FAF1: variants seen among roughly 807,000 people sequenced by gnomAD.
The protein encoded by FAF1 is FAS-associated factor 1.
In FAF1, 25 loss-of-function variants were observed where a neutral mutation model predicts 92.5. The observed-to-expected ratio is 0.27, with a 90% CI of 0.20 to 0.38. The LOEUF (loss-of-function observed/expected upper bound fraction) is 0.38, where lower values mean the gene tolerates loss of function less well. Among genes scored for constraint, FAF1 ranks in the 10% least tolerant of loss-of-function variants. The pLI, the probability that FAF1 is intolerant of heterozygous loss-of-function variation, is 1.00. For synonymous variants in FAF1, 234 were observed against 273.2 expected, an observed-to-expected ratio of 0.86 and a Z score of 1.42; for missense variants, 636 against 793.3, an observed-to-expected ratio of 0.80 and a Z score of 2.38.
chr1:50,461,970 A>G (rs1646436772), intron 18 of FAF1, among the ~76,000 whole-genome samples: 1 of 148,194 alleles, frequency 6.7e-6, no homozygotes, highest in Admixed American at 6.8e-5. Context: ...CTATACTATT[A>G]GATTCTTACC....
At chr1:50,628,259 G>A (rs1051884415) in intron 8 of FAF1, among the ~76,000 whole-genome samples, 2 of 152,092 alleles carry the variant, frequency 1.3e-5, no homozygotes, top group East Asian at 3.8e-4. Flanking sequence ...AGAAGGTGAT[G>A]GGGTACAGAA....
At chr1:50,642,719 T>A (rs1654397211) in intron 8 of FAF1, among the ~76,000 whole-genome samples, 1 of 141,524 alleles carries the variant, frequency 7.1e-6, no homozygotes, top group Non-Finnish European at 1.5e-5. Context: ...AGTTCATTTT[T>A]AATAATCTTT....
chr1:50,732,699 T>C (rs145385808), intron 6 of FAF1, among the ~76,000 whole-genome samples: 2 of 152,300 alleles, frequency 1.3e-5, no homozygotes, highest in African/African-American at 4.8e-5. Flanking sequence ...CTGTCTTTAA[T>C]AGGAGAGTTT....
chr1:50,522,399 A>G (rs1485513900), intron 15 of FAF1, among the ~76,000 whole-genome samples: 1 of 152,210 alleles, frequency 6.6e-6, no homozygotes, highest in Non-Finnish European at 1.5e-5. Flanking sequence ...GGGGGCAATT[A>G]CTATCTCTTA....
rs147201928 is a variant in FAF1, at chr1:50,740,527, C to A, written c.460-1573G>T. Among the ~76,000 whole-genome samples the A allele has an allele frequency of 5.8e-4, 89 of 152,182 alleles. No homozygotes were observed. In the Middle Eastern group the frequency reaches 0.01, roughly 17 times the overall value. ...GTTATGTGTTAAATGAAAAGAAATA[C>A]ATAATTACCCTTATTATTTGAAATA... On this transcript the variant is annotated intron_variant, in intron 5 of 18. Transcript: ENST00000396153.
At chr1:50,708,458 G>C (rs889056961) in intron 6 of FAF1, among the ~76,000 whole-genome samples, 1 of 151,900 alleles carries the variant, frequency 6.6e-6, no homozygotes, top group Non-Finnish European at 1.5e-5. Context: ...GAAATTGAGA[G>C]TGAAGTTTTC....
intron 4 of FAF1, among the ~76,000 whole-genome samples, chr1:50,756,770 CAAAG>C (rs1314113923): frequency 2.0e-5 from 3 of 152,154 alleles, no homozygotes; most frequent in Non-Finnish European, 4.4e-5. Context: ...TGGCAGCAGG[CAAAG>C]AGAGAGAGCT....
chr1:50,444,795 A>G (rs1646209265), intron 18 of FAF1, among the ~76,000 whole-genome samples: 1 of 152,196 alleles, frequency 6.6e-6, no homozygotes, highest in African/African-American at 2.4e-5. Flanking sequence ...TGAAGATACC[A>G]CAGGTTATCT....
chr1:50,484,110 T>C (rs1292463228), intron 17 of FAF1, among the ~76,000 whole-genome samples: 1 of 152,164 alleles, frequency 6.6e-6, no homozygotes, highest in Non-Finnish European at 1.5e-5. Flanking sequence ...GTCATAATAC[T>C]GGATGAGATC....
intron 8 of FAF1, among the ~76,000 whole-genome samples, chr1:50,649,797 A>G (rs1654772059): frequency 6.6e-6 from 1 of 151,118 alleles, no homozygotes; most frequent in South Asian, 2.1e-4. Flanking sequence ...AAAAAAAAAA[A>G]AAAAGAAAAA....
rs574235408 is a variant in FAF1, at chr1:50,659,440, G to C, written c.658-3912C>G. On this transcript the variant is annotated intron_variant, in intron 7 of 18. Coordinates refer to ENST00000396153, the MANE Select transcript of FAF1 (RefSeq NM_007051.3). Reference sequence around the variant, plus strand: ...CTTTAGAGAAGTAAAAAGAACACACGCACAGGCTGGGGTGCAGTGGCTGGC... The same window carrying C: ...CTTTAGAGAAGTAAAAAGAACACACCCACAGGCTGGGGTGCAGTGGCTGGC... Among the ~76,000 whole-genome samples the C allele has an allele frequency of 3.9e-5, 6 of 152,280 alleles. No individual in the cohort carries two copies. The South Asian group carries it at 1.2e-3, about 32-fold the overall frequency.
intron 1 of FAF1, among the ~76,000 whole-genome samples, chr1:50,886,306 T>C (rs920841002): frequency 6.6e-6 from 1 of 152,164 alleles, no homozygotes; most frequent in Non-Finnish European, 1.5e-5. Flanking sequence ...TTTGGGAAAG[T>C]ATTTCTCCTC....
chr1:50,690,888 A>T (rs1316615633), intron 7 of FAF1, among the ~76,000 whole-genome samples: 1 of 152,162 alleles, frequency 6.6e-6, no homozygotes, highest in African/African-American at 2.4e-5. Context: ...AAGGTTCATT[A>T]ACATTGTCAT....
intron 4 of FAF1, among the ~76,000 whole-genome samples, chr1:50,772,707 A>G (rs1263695200): frequency 6.6e-6 from 1 of 152,164 alleles, no homozygotes; most frequent in Non-Finnish European, 1.5e-5. Context: ...TTGAGAGTGG[A>G]GAGTGGGAGG....
chr1:50,528,583 T>G (rs1014414524), intron 15 of FAF1, among the ~76,000 whole-genome samples: 5 of 152,226 alleles, frequency 3.3e-5, no homozygotes, highest in African/African-American at 1.2e-4. Flanking sequence ...ACACTCAGAT[T>G]CAGCTGCCTT....
In FAF1 at chr1:50,744,792, A is replaced by T. The variant is rs1370901622; in HGVS notation, c.368-17T>A. ...TAATCTCTCCTGTATAAATAAGAAG[A>T]GATCAAATATTACTAACAAAATAAC... is the stretch of plus-strand genomic sequence containing the variant. On this transcript the variant is annotated splice_polypyrimidine_tract_variant and intron_variant, in intron 4 of 18. Coordinates refer to ENST00000396153, the MANE Select transcript of FAF1 (RefSeq NM_007051.3). 7.1e-7 allele frequency: 1 copy of T among 1,415,696 alleles called. No homozygotes were observed. Among genetic ancestry groups the T allele is most frequent in the South Asian group, 1.2e-5 (1 of 81,542 alleles). 87.7% of individuals were successfully genotyped at this position (1,415,696 alleles called of 1,614,324 possible).
chr1:50,466,734 C>T (rs867110306), intron 18 of FAF1, among the ~76,000 whole-genome samples: 6 of 152,154 alleles, frequency 3.9e-5, no homozygotes, highest in African/African-American at 1.4e-4. Flanking sequence ...CAAGCTCCTT[C>T]GCCTGGTATT....
chr1:50,501,020 A>G (rs1244790384), intron 15 of FAF1, among the ~76,000 whole-genome samples: 1 of 152,226 alleles, frequency 6.6e-6, no homozygotes, highest in East Asian at 1.9e-4. Flanking sequence ...CAATAAAACT[A>G]TAATTCTACT....
At chr1:50,453,626 C>T (rs553806084) in intron 18 of FAF1, among the ~76,000 whole-genome samples, 1 of 152,286 alleles carries the variant, frequency 6.6e-6, no homozygotes, top group Non-Finnish European at 1.5e-5. Context: ...GAACAGAGCA[C>T]GTGTTTTCTT....
Sources: allele counts gnomAD v4.1 joint callset (sites outside exome capture counted in the v4.1 genomes callset), GRCh38; gene constraint gnomAD v4.1.1; transcripts MANE v1.5; gene names NCBI Gene and HGNC (gene_info 2026-07-23, HGNC 2026-07-21).